Variants in VPS8 observed in about 807,000 individuals in gnomAD.
VPS8 encodes the protein VPS8 subunit of CORVET complex, also known as vacuolar protein sorting-associated protein 8 homolog.
VPS8 carries 129 observed loss-of-function variants against 216.4 expected under a neutral mutation model. The ratio of observed to expected loss-of-function variants is 0.60; its 90% CI spans 0.52 to 0.69. The LOEUF (loss-of-function observed/expected upper bound fraction) is 0.69, where lower values mean the gene tolerates loss of function less well. VPS8 is among the 30% of genes least tolerant of loss of function. The probability of loss-of-function intolerance (pLI) is 0.00; values close to 1 mark genes in which losing one functional copy is unlikely to be tolerated. For missense variants in VPS8, 1,531 were observed against 1,683.5 expected (o/e 0.91, Z 1.59); for synonymous variants, 571 against 565.4 (o/e 1.01, Z -0.14).
At chr3:185,001,418 C>T (rs1191094765) in intron 45 of VPS8, among the ~76,000 whole-genome samples, 1 of 152,028 alleles carries the variant, frequency 6.6e-6, no homozygotes, top group Non-Finnish European at 1.5e-5. Context: ...TTACATTTAC[C>T]AATTTATTAT....
At chr3:184,834,770 T>A (rs1720710558) in intron 5 of VPS8, 28 bp downstream of exon 5, 1 of 1,510,018 alleles carries the variant, frequency 6.6e-7, no homozygotes, top group Non-Finnish European at 9.0e-7. Flanking sequence ...TTCCCTCAAC[T>A]TTGTAACCTG....
chr3:185,008,998 A>G (rs541168999), intron 45 of VPS8, among the ~76,000 whole-genome samples: 7 of 152,250 alleles, frequency 4.6e-5, no homozygotes, highest in Non-Finnish European at 5.9e-5. Flanking sequence ...TTTGGTTTTT[A>G]TTCTTAGGAA....
chr3:184,957,883 C>G (rs1436598842), intron 37 of VPS8, among the ~76,000 whole-genome samples: 1 of 152,204 alleles, frequency 6.6e-6, no homozygotes, highest in African/African-American at 2.4e-5. Flanking sequence ...GGAAGATAGT[C>G]AGCTGTGTTC....
At chr3:184,890,323 C>A (rs1206036984) in intron 22 of VPS8, among the ~76,000 whole-genome samples, 1 of 152,120 alleles carries the variant, frequency 6.6e-6, no homozygotes, top group Non-Finnish European at 1.5e-5. Flanking sequence ...ACTCAGCTAG[C>A]CAATTTCAGG....
intron 36 of VPS8, among the ~76,000 whole-genome samples, chr3:184,950,184 A>G (rs1744413161): frequency 6.9e-6 from 1 of 144,126 alleles, no homozygotes; most frequent in African/African-American, 2.6e-5. Flanking sequence ...CTGGGATTAC[A>G]GACGTGAGCA....
At chr3:184,996,610 A>AG in intron 44 of VPS8, 109 bp downstream of exon 44, 1 of 1,299,898 alleles carries the variant, frequency 7.7e-7, no homozygotes, top group Non-Finnish European at 1.0e-6. Flanking sequence ...TGAACGTGAT[A>AG]GGCAAGTTCC....
intron 32 of VPS8, 93 bp from the exon 33 acceptor site, chr3:184,929,487 G>A (rs1006055810): frequency 4.2e-6 from 3 of 719,058 alleles, no homozygotes; most frequent in Admixed American, 5.7e-5. Context: ...AGGACACCTG[G>A]CCCACTTTTC....
rs560388340 is a variant in VPS8, at chr3:184,980,521, A to T, written c.3421-2045A>T. ...TCTTTTTTTCTTTGTTTTTGCCTTT[A>T]TTTTTTATTTGAAGAACTGGTCTTC... On this transcript the variant is annotated intron_variant, in intron 40 of 47. Coordinates refer to ENST00000625842, the MANE Select transcript of VPS8 (RefSeq NM_001009921.3). 2.5e-4 allele frequency among the ~76,000 whole-genome samples: 37 copies of T among 149,568 alleles called. 1 individual carries two copies. Among genetic ancestry groups the T allele is most frequent in the African/African-American group, 8.4e-4 (34 of 40,564 alleles).
intron 46 of VPS8, among the ~76,000 whole-genome samples, chr3:185,029,188 C>T (rs1481388883): frequency 6.6e-6 from 1 of 152,152 alleles, no homozygotes; most frequent in Non-Finnish European, 1.5e-5. Context: ...TGTATATATT[C>T]TGGTTCTTAT....
At chr3:184,957,063 A>C (rs985176456) in intron 36 of VPS8, among the ~76,000 whole-genome samples, 1 of 152,342 alleles carries the variant, frequency 6.6e-6, no homozygotes, top group African/African-American at 2.4e-5. Context: ...TATTAGGACT[A>C]AATTGGGTGG....
Position 185,052,125 on chromosome 3 carries a change from C to A in VPS8, c.*100C>A. On this transcript the variant is annotated 3_prime_UTR_variant, in exon 48 of 48. Coordinates refer to ENST00000625842, the MANE Select transcript of VPS8 (RefSeq NM_001009921.3). ...GGCTTGGCCTCCACCACCTCCCACG[C>A]TTCTGAGAAGAGGTTCCAAATTGGG... The A allele has an allele frequency of 7.5e-7, 1 of 1,341,272 alleles. No homozygotes were observed. The highest frequency in any genetic ancestry group is 9.9e-7 in the Non-Finnish European group (1 of 1,013,548). The allele number at this position is 1,341,272 out of a possible 1,614,324, so 83.1% of individuals were successfully genotyped here.
chr3:184,871,185 GAAT>G (rs1728274314), intron 21 of VPS8, among the ~76,000 whole-genome samples: 1 of 149,316 alleles, frequency 6.7e-6, no homozygotes, highest in Non-Finnish European at 1.5e-5. Context: ...TATGACTTAA[GAAT>G]AATAGATCAA....
chr3:184,957,344 G>C, intron 36 of VPS8, 30 bp from the exon 37 acceptor site: 1 of 1,578,378 alleles, frequency 6.3e-7, no homozygotes, highest in Non-Finnish European at 8.6e-7. Flanking sequence ...TGCTACAATT[G>C]AGTGTTCTCT....
rs1741584563 is a variant in VPS8, at chr3:184,936,228, C to T, written c.2899-18C>T. 1 of 1,592,236 alleles carries T rather than the reference C, an allele frequency of 6.3e-7. No individual in the cohort carries two copies. Among genetic ancestry groups the T allele is most frequent in the South Asian group, 1.1e-5 (1 of 87,334 alleles). ...AATGAGCCATTAGAGATGGCTTTGT[C>T]TTTTCCTTTAACTCCAGGAACTCGT... On this transcript the variant is annotated intron_variant, in intron 34 of 47. Coordinates refer to ENST00000625842, the MANE Select transcript of VPS8 (RefSeq NM_001009921.3).
At chr3:184,993,118 A>T (rs1752132680) in intron 42 of VPS8, among the ~76,000 whole-genome samples, 1 of 152,160 alleles carries the variant, frequency 6.6e-6, no homozygotes, top group Admixed American at 6.5e-5. Flanking sequence ...AAAAAAAAGA[A>T]ATATTTGCTG....
chr3:184,874,441 G>C (rs1728885915), intron 21 of VPS8, among the ~76,000 whole-genome samples: 1 of 152,122 alleles, frequency 6.6e-6, no homozygotes, highest in African/African-American at 2.4e-5. Context: ...TTAGTGACTG[G>C]CCTGTCAAAT....
At position 184,894,850 on chromosome 3, in the gene VPS8, C is replaced by T. The variant is rs1288341433; in HGVS notation, c.1929C>T (p.Phe643=). The change falls in exon 23 of 48, where the codon TTC becomes TTT. Residue 643 remains phenylalanine (F), a synonymous_variant. Transcript: ENST00000625842. ...PQVMKDLIVH[F]QDKKLMENVE... ...TAATGAAAGACTTGATTGTTCATTT[C>T]CAAGATAAAAAATTAATGGAAAATG... 2 of 1,610,028 alleles carry T rather than the reference C, an allele frequency of 1.2e-6. No homozygotes were observed. Among genetic ancestry groups the T allele is most frequent in the East Asian group, 2.2e-5 (1 of 44,774 alleles).
chr3:184,955,689 C>T (rs1745468701), intron 36 of VPS8, among the ~76,000 whole-genome samples: 1 of 152,144 alleles, frequency 6.6e-6, no homozygotes, highest in African/African-American at 2.4e-5. Flanking sequence ...GGACTGGACC[C>T]TACACGTTTT....
At chr3:184,854,368 C>T (rs1395446842) in intron 13 of VPS8, among the ~76,000 whole-genome samples, 195 bp downstream of exon 13, 1 of 152,150 alleles carries the variant, frequency 6.6e-6, no homozygotes, top group Non-Finnish European at 1.5e-5. Context: ...GCACAGTGTC[C>T]TAGGGATCAT....
Sources: gnomAD v4.1 joint callset for allele counts (sites outside exome capture counted in the v4.1 genomes callset) on GRCh38, gnomAD v4.1.1 for gene constraint, MANE v1.5 for transcripts, NCBI Gene and HGNC (gene_info 2026-07-23, HGNC 2026-07-21) for gene names.